GAS7: variants seen among roughly 807,000 people sequenced by gnomAD.
GAS7 encodes the protein growth arrest-specific protein 7.
A neutral mutation model predicts 71.1 loss-of-function variants in GAS7; 28 were observed. The observed-to-expected ratio is 0.39, with a 90% CI of 0.29 to 0.54. GAS7 has a LOEUF of 0.54. Among genes scored for constraint, GAS7 ranks in the 20% least tolerant of loss-of-function variants. The probability of loss-of-function intolerance (pLI) is 0.62; values close to 1 mark genes in which losing one functional copy is unlikely to be tolerated. For synonymous variants in GAS7, 258 were observed against 245.8 expected (o/e 1.05, Z -0.46); for missense variants, 436 against 627.8 (o/e 0.69, Z 3.27).
chr17:9,964,714 G>A lies in GAS7; in HGVS notation c.471+4963C>T, dbSNP rs145423537. Among the ~76,000 whole-genome samples the A allele has an allele frequency of 5.2e-3, 795 of 152,178 alleles. 3 individuals are homozygous for A. The highest frequency in any genetic ancestry group is 0.018 in the African/African-American group (736 of 41,502). On this transcript the variant is annotated intron_variant, in intron 4 of 13. Transcript: ENST00000432992. ...ACAGCATCCACTTCCTCCAGCCTTT[G>A]TCACTGCTGAAATTGCACCATTATT... is the stretch of plus-strand genomic sequence containing the variant.
Position 9,969,835 on chromosome 17 carries a change from G to A in GAS7, c.386-73C>T. ...GCACCCCCGCCTTTCGTCCACTGCA[G>A]CCCCTTTTCCCACCTCCTTCCTTGG... On this transcript the variant is annotated intron_variant, in intron 3 of 13. Coordinates refer to ENST00000432992, the MANE Select transcript of GAS7 (RefSeq NM_201433.2). The surrounding 1 kb of genome is among the most constrained non-coding windows in gnomAD (Gnocchi z 5.5). The A allele has an allele frequency of 1.0e-6, 1 of 957,900 alleles. No individual in the cohort carries two copies. Among genetic ancestry groups the A allele is most frequent in the South Asian group, 1.3e-5 (1 of 75,590 alleles). The allele number at this position is 957,900 out of a possible 1,614,324, so 59.3% of individuals were successfully genotyped here.
At chr17:9,988,556 C>T (rs1022043127) in intron 2 of GAS7, among the ~76,000 whole-genome samples, 1 of 152,150 alleles carries the variant, frequency 6.6e-6, no homozygotes, top group Non-Finnish European at 1.5e-5. Context: ...TGCTACAAGA[C>T]ATTTGAAATT....
At chr17:9,923,154 G>A (rs1009201777) in intron 11 of GAS7, among the ~76,000 whole-genome samples, 5 of 151,910 alleles carry the variant, frequency 3.3e-5, no homozygotes, top group Admixed American at 6.6e-5. Context: ...TGATCTGCCC[G>A]CCTGGGCCTC....
intron 5 of GAS7, among the ~76,000 whole-genome samples, chr17:9,953,613 C>T (rs2152107012): frequency 6.6e-6 from 1 of 152,360 alleles, no homozygotes. Flanking sequence ...GACTGCAGAG[C>T]TCCAGCCTCG....
In GAS7 at chr17:9,969,567, G is replaced by T; in HGVS notation, c.471+110C>A. On this transcript the variant is annotated intron_variant, in intron 4 of 13. Transcript: ENST00000432992. This position sits in a 1 kb window ranked among gnomAD's most constrained non-coding sequence, Gnocchi z 5.5. ...GACACAGCAACCACTTTCTACCTGG[G>T]GGCAGAACTGGGCTGCAGCCACCTG... 1.5e-6 allele frequency: 1 copy of T among 685,684 alleles called. No individual in the cohort carries two copies. Among genetic ancestry groups the T allele is most frequent in the Non-Finnish European group, 2.7e-6 (1 of 373,494 alleles). 42.5% of individuals were successfully genotyped at this position (685,684 alleles called of 1,614,324 possible). A position where few individuals can be genotyped will look rare whatever the true frequency, so the allele number is the denominator to read the frequency against.
At chr17:10,024,407 C>T (rs185288817) in intron 1 of GAS7, among the ~76,000 whole-genome samples, 1 of 152,164 alleles carries the variant, frequency 6.6e-6, no homozygotes, top group African/African-American at 2.4e-5. Flanking sequence ...GTGGCTTTTT[C>T]CCTTCAATTC....
At chr17:9,955,619 T>G (rs1035405102) in intron 5 of GAS7, among the ~76,000 whole-genome samples, 9 of 152,174 alleles carry the variant, frequency 5.9e-5, no homozygotes, top group African/African-American at 9.7e-5. Context: ...CAAGCCGGCT[T>G]CAGTCTAGGC....
At chr17:10,186,402 C>CTTTT (rs71139025) in intron 1 of GAS7, among the ~76,000 whole-genome samples, 118 of 128,122 alleles carry the variant, frequency 9.2e-4, no homozygotes, top group African/African-American at 1.4e-3. Context: ...TATTCAAAGG[C>CTTTT]TTTTTTTTTT....
intron 2 of GAS7, among the ~76,000 whole-genome samples, chr17:10,012,438 C>T (rs962593146): frequency 2.6e-5 from 4 of 152,052 alleles, no homozygotes; most frequent in African/African-American, 9.7e-5. Context: ...CAGGTGTGCG[C>T]CACCACACCC....
rs9908472 is a variant in GAS7, at chr17:10,076,444, C to T, written c.184-56547G>A. On this transcript the variant is annotated intron_variant, in intron 1 of 13. Transcript: ENST00000432992. ...AGGCGGAAAGGGAAGGAGGGGGAGT[C>T]GGGGGAGGGAAAGGAAAGGAAAGGA... 2.5e-4 allele frequency among the ~76,000 whole-genome samples: 18 copies of T among 71,730 alleles called. 1 individual carries two copies. The South Asian group carries it at 8.9e-3, about 35-fold the overall frequency. The allele number at this position is 71,730 out of a possible 152,430, so 47.1% of individuals were successfully genotyped here.
At chr17:9,940,072 C>T in intron 8 of GAS7, 54 bp downstream of exon 8, 9 of 995,110 alleles carry the variant, frequency 9.0e-6, no homozygotes, top group Middle Eastern at 2.1e-4. Flanking sequence ...GCTGATTTCC[C>T]TTCCTCAGTG....
chr17:9,948,414 G>A (rs928448068), intron 5 of GAS7, among the ~76,000 whole-genome samples: 1 of 152,230 alleles, frequency 6.6e-6, no homozygotes, highest in Admixed American at 6.5e-5. Flanking sequence ...GCCGGGCACG[G>A]CAGTTCACGC....
chr17:10,028,657 G>C (rs1408193154), intron 1 of GAS7, among the ~76,000 whole-genome samples: 1 of 147,532 alleles, frequency 6.8e-6, no homozygotes, highest in Non-Finnish European at 1.5e-5. Flanking sequence ...CTCATAAGAA[G>C]AGAACAAAAC....
intron 1 of GAS7, among the ~76,000 whole-genome samples, chr17:10,028,128 C>T (rs748408940): frequency 1.3e-5 from 2 of 152,204 alleles, no homozygotes; most frequent in Non-Finnish European, 2.9e-5. Context: ...TGGTCTCGAT[C>T]TCTTGACCTC....
intron 12 of GAS7, among the ~76,000 whole-genome samples, chr17:9,918,504 G>A (rs1330849693): frequency 6.6e-6 from 1 of 152,206 alleles, no homozygotes; most frequent in Non-Finnish European, 1.5e-5. Flanking sequence ...GAGTCCATCA[G>A]GCTGTTACTC....
At chr17:10,146,760 G>A (rs570322289) in intron 1 of GAS7, among the ~76,000 whole-genome samples, 49 of 152,082 alleles carry the variant, frequency 3.2e-4, no homozygotes, top group African/African-American at 9.4e-4. Flanking sequence ...CGAGGCGGGC[G>A]GATCACGAGG....
rs11654620 is a variant in GAS7, at chr17:9,942,957, T to G, written c.731+164A>C. Among the ~76,000 whole-genome samples, 15,702 of 152,268 alleles carry G rather than the reference T, an allele frequency of 0.1. 847 individuals are homozygous for G. Among genetic ancestry groups the G allele is most frequent in the South Asian group, 0.13 (612 of 4,828 alleles). On this transcript the variant is annotated intron_variant, in intron 7 of 13. Coordinates refer to ENST00000432992, the MANE Select transcript of GAS7 (RefSeq NM_201433.2). ...ACTATATCGGCCAAAGGTACACAAC[T>G]GCTGACCAGATCCATCCCAGGCGCC...
At chr17:9,931,576 G>A (rs1236763928) in intron 9 of GAS7, among the ~76,000 whole-genome samples, 1 of 152,216 alleles carries the variant, frequency 6.6e-6, no homozygotes, top group Non-Finnish European at 1.5e-5. Context: ...GGGAGGCCTT[G>A]AGGGGAAAGC....
chr17:10,198,150 C>T (rs1047223653), intron 1 of GAS7, 58 bp downstream of exon 1: 9 of 1,521,056 alleles, frequency 5.9e-6, no homozygotes, highest in African/African-American at 1.4e-5. Context: ...GCAACAGGTA[C>T]GCGAGCGCAC....
Sources: allele counts gnomAD v4.1 joint callset (sites outside exome capture counted in the v4.1 genomes callset), GRCh38; gene constraint gnomAD v4.1.1; non-coding constraint Gnocchi (gnomAD v3.1); transcripts MANE v1.5; gene names NCBI Gene and HGNC (gene_info 2026-07-23, HGNC 2026-07-21).